Variants in CDC73 observed in about 807,000 individuals in gnomAD.
The protein encoded by CDC73 is cell division cycle 73, also known as parafibromin.
A neutral mutation model predicts 83.7 loss-of-function variants in CDC73; 21 were observed. That is an observed-to-expected ratio of 0.25 (90% confidence interval 0.18 to 0.36). The LOEUF (loss-of-function observed/expected upper bound fraction) is 0.36, where lower values mean the gene tolerates loss of function less well. Among genes scored for constraint, CDC73 ranks in the 10% least tolerant of loss-of-function variants. The pLI is 1.00. For missense variants in CDC73, 342 were observed against 653.3 expected, an observed-to-expected ratio of 0.52 and a Z score of 5.19; for synonymous variants, 224 against 212.9, an observed-to-expected ratio of 1.05 and a Z score of -0.45.
intron 3 of CDC73, among the ~76,000 whole-genome samples, chr1:193,134,577 A>G (rs912313734): frequency 2.0e-5 from 3 of 152,196 alleles, no homozygotes; most frequent in Non-Finnish European, 4.4e-5. Flanking sequence ...AGGCTGAGGC[A>G]GGAAAATGGC....
rs1382154567 is a variant in CDC73 at position 193,253,879 on chromosome 1, A to AG, written c.*3167_*3168insG. 4.5e-6 allele frequency: 1 copy of AG among 224,512 alleles called. No homozygotes were observed. Among genetic ancestry groups the AG allele is most frequent in the Non-Finnish European group, 8.9e-6 (1 of 112,924 alleles). 13.9% of individuals were successfully genotyped at this position (224,512 alleles called of 1,614,324 possible). A position where few individuals can be genotyped will look rare whatever the true frequency, so the allele number is the denominator to read the frequency against. On this transcript the variant is annotated 3_prime_UTR_variant, in exon 17 of 17. Transcript: ENST00000367435. ...GAGGGAATATTTTTCCTAAATAAAA[A>AG]TTTTTCTGACTGCTAACAAAAATTA...
At chr1:193,230,457 ATTTTTTTTTTTTTTTTTTT>A (rs752027731) in intron 13 of CDC73, among the ~76,000 whole-genome samples, 1 of 90,718 alleles carries the variant, frequency 1.1e-5, no homozygotes, top group Non-Finnish European at 2.0e-5. Flanking sequence ...CTAATCCCGT[ATTTTTTTTTTTTTTTTTTT>A]TTTTTTTTTG....
intron 10 of CDC73, chr1:193,181,052 G>T (rs377199898): frequency 8.9e-5 from 144 of 1,613,734 alleles, no homozygotes; most frequent in Non-Finnish European, 6.5e-5. Context: ...CAAGTTTGCC[G>T]AATAGCTCTT....
chr1:193,133,459 G>A (rs12132411), intron 3 of CDC73, among the ~76,000 whole-genome samples: 3,842 of 152,234 alleles, frequency 0.025, 79 homozygotes, highest in Middle Eastern at 0.037. Context: ...CTAAAAATTT[G>A]TAGAAGAGCA....
At position 193,251,204 on chromosome 1, in the gene CDC73, C is replaced by T. The variant is rs943596405; in HGVS notation, c.*492C>T. The T allele has an allele frequency of 3.4e-5, 8 of 232,734 alleles. No individual in the cohort carries two copies. The highest frequency in any genetic ancestry group is 6.8e-5 in the Non-Finnish European group (8 of 117,586). 14.4% of individuals were successfully genotyped at this position (232,734 alleles called of 1,614,324 possible). A position where few individuals can be genotyped will look rare whatever the true frequency, so the allele number is the denominator to read the frequency against. On this transcript the variant is annotated 3_prime_UTR_variant, in exon 17 of 17. Transcript: ENST00000367435. ...TCAACTTGTATGTACACTATATCTA[C>T]ACTTACTCATTATTTAAAAAGAATA...
Position 193,147,974 on chromosome 1 carries a change from G to A in CDC73, c.828+9G>A, listed in dbSNP as rs1676031504. On this transcript the variant is annotated intron_variant, in intron 8 of 16. Coordinates refer to ENST00000367435, the MANE Select transcript of CDC73 (RefSeq NM_024529.5). ...CAAATGCAGCACCTGTGGTAAGAAT[G>A]CTTTACTGCTTTACAGTAGATTTAA... 1.3e-6 allele frequency: 2 copies of A among 1,548,646 alleles called. No homozygotes were observed. Among genetic ancestry groups the A allele is most frequent in the Admixed American group, 1.7e-5 (1 of 59,898 alleles).
intron 15 of CDC73, among the ~76,000 whole-genome samples, chr1:193,247,556 G>A (rs1677975348): frequency 6.6e-6 from 1 of 152,070 alleles, no homozygotes; most frequent in South Asian, 2.1e-4. Flanking sequence ...AGGAAGGCAT[G>A]TCAAAAGCTG....
rs550409088 is a variant in CDC73 at position 193,224,989 on chromosome 1, C to T, written c.1155-8004C>T. On this transcript the variant is annotated intron_variant, in intron 13 of 16. Coordinates refer to ENST00000367435, the MANE Select transcript of CDC73 (RefSeq NM_024529.5). The stretch of plus-strand genomic sequence containing the variant: ...ATTTTGGTGTGCCCATCACCCGAAC[C>T]GTATATGCTGAACCTGATTTGTAGT... Among the ~76,000 whole-genome samples, 23 of 152,066 alleles carry T rather than the reference C, an allele frequency of 1.5e-4. No individual in the cohort carries two copies. In the South Asian group the frequency reaches 2.5e-3, roughly 17 times the overall value.
At chr1:193,232,017 C>G (rs1198134312) in intron 13 of CDC73, among the ~76,000 whole-genome samples, 2 of 152,080 alleles carry the variant, frequency 1.3e-5, no homozygotes, top group Non-Finnish European at 2.9e-5. Flanking sequence ...TTTGTGAACA[C>G]TAGCAAATTT....
At chr1:193,130,371 A>G (rs112911984) in intron 3 of CDC73, 128 bp downstream of exon 3, 33 of 720,574 alleles carry the variant, frequency 4.6e-5, no homozygotes, top group South Asian at 3.7e-4. Context: ...ATTTTTGTCC[A>G]TGTGCTCACC....
intron 6 of CDC73, among the ~76,000 whole-genome samples, chr1:193,139,503 AGAACGTAGTT>A (rs1185100588): frequency 6.6e-6 from 1 of 152,232 alleles, no homozygotes; most frequent in Non-Finnish European, 1.5e-5. Context: ...GTTGAAATAT[AGAACGTAGTT>A]CTTGTAATTA....
At position 193,212,068 on chromosome 1, in the gene CDC73, C is replaced by T; in HGVS notation, c.1034C>T (p.Ser345Phe). 6.3e-7 allele frequency: 1 copy of T among 1,583,350 alleles called. No individual in the cohort carries two copies. Among genetic ancestry groups the T allele is most frequent in the African/African-American group, 1.3e-5 (1 of 74,352 alleles). ...PAAQPVPRPV[S>F]QARPPPNQKK... Reference sequence around the variant, plus strand: ...TGATTTTTTTTCTTTTTCACAGTTTCTCAAGCAAGACCTCCCCCAAATCAG... The same window carrying T: ...TGATTTTTTTTCTTTTTCACAGTTTTTCAAGCAAGACCTCCCCCAAATCAG... Residue 345 changes from serine to phenylalanine, a missense_variant, in exon 12 of 17, where the codon TCT becomes TTT. Ser to Phe is a radical substitution (Grantham distance 155). This residue lies in a region of CDC73 where 239 missense variants were observed against 420.6 expected (regional missense o/e 0.57). Transcript: ENST00000367435.
At chr1:193,166,494 T>C (rs1676436604) in intron 10 of CDC73, among the ~76,000 whole-genome samples, 1 of 152,196 alleles carries the variant, frequency 6.6e-6, no homozygotes, top group African/African-American at 2.4e-5. Flanking sequence ...TGATTTAAAA[T>C]GGTTTAAATG....
chr1:193,246,179 T>C (rs1018156936), intron 15 of CDC73, among the ~76,000 whole-genome samples: 1 of 152,076 alleles, frequency 6.6e-6, no homozygotes, highest in African/African-American at 2.4e-5. Context: ...GTGCTTTTAT[T>C]CATAAAGCCT....
chr1:193,126,137 G>A (rs1168485076), intron 2 of CDC73, among the ~76,000 whole-genome samples: 1 of 152,100 alleles, frequency 6.6e-6, no homozygotes, highest in South Asian at 2.1e-4. Flanking sequence ...TTATAGAGAT[G>A]TTTAGAAAAA....
intron 7 of CDC73, among the ~76,000 whole-genome samples, chr1:193,143,845 C>G (rs1050153416): frequency 6.6e-6 from 1 of 152,074 alleles, no homozygotes; most frequent in Non-Finnish European, 1.5e-5. Flanking sequence ...TGCAGCGGCT[C>G]ATGCCAGTAA....
At chr1:193,155,187 A>G (rs1221442972) in intron 10 of CDC73, among the ~76,000 whole-genome samples, 1 of 152,230 alleles carries the variant, frequency 6.6e-6, no homozygotes, top group East Asian at 1.9e-4. Flanking sequence ...CACATTTCAT[A>G]AGAATCATGG....
At chr1:193,230,914 A>G (rs1179446335) in intron 13 of CDC73, among the ~76,000 whole-genome samples, 1 of 152,232 alleles carries the variant, frequency 6.6e-6, no homozygotes, top group Non-Finnish European at 1.5e-5. Context: ...TATTGCTAAT[A>G]GAGATGACTA....
chr1:193,217,161 T>C (rs1360371063), intron 13 of CDC73, among the ~76,000 whole-genome samples: 3 of 152,002 alleles, frequency 2.0e-5, no homozygotes, highest in African/African-American at 7.3e-5. Flanking sequence ...TGCTGAAACC[T>C]CTAGGGGAGC....
Sources: allele counts gnomAD v4.1 joint callset (sites outside exome capture counted in the v4.1 genomes callset), GRCh38; gene constraint gnomAD v4.1.1; regional missense constraint gnomAD v4.1.1; transcripts MANE v1.5; gene names NCBI Gene and HGNC (gene_info 2026-07-23, HGNC 2026-07-21).